PPEF1: variants seen among roughly 807,000 people sequenced by gnomAD.
PPEF1 encodes protein phosphatase with EF-hand domain 1, also known as serine/threonine-protein phosphatase with EF-hands 1.
A neutral mutation model predicts 53.3 loss-of-function variants in PPEF1; 12 were observed. The observed-to-expected ratio is 0.23, with a 90% CI of 0.14 to 0.36. The LOEUF (loss-of-function observed/expected upper bound fraction) is 0.36, where lower values mean the gene tolerates loss of function less well. Ranked by LOEUF, PPEF1 falls within the 10% of genes least tolerant of loss-of-function variation. The pLI is 1.00. For synonymous variants in PPEF1, 165 were observed against 176.7 expected (o/e 0.93, Z 0.52); for missense variants, 334 against 490.4 (o/e 0.68, Z 3.01).
In PPEF1 at chrX:18,700,849, G is replaced by A. The variant is rs941162892; in HGVS notation, c.-123+414G>A. On this transcript the variant is annotated intron_variant, in intron 6 of 21. Coordinates refer to the PPEF1 transcript ENST00000361511. ...CGTCTTGTCGTCTTAGAGGTTTCTAGCTATCTGTAAGAATGGAACCAGAAT... is the reference window on the plus strand; with the variant it reads ...CGTCTTGTCGTCTTAGAGGTTTCTAACTATCTGTAAGAATGGAACCAGAAT... Among the ~76,000 whole-genome samples the A allele has an allele frequency of 4.5e-5, 5 of 112,336 alleles. No individual in the cohort carries two copies. In the Admixed American group the frequency reaches 4.7e-4, roughly 11 times the overall value.
chrX:18,744,559 C>T (rs2045280356), intron 3 of PPEF1, among the ~76,000 whole-genome samples: 2 of 111,533 alleles, frequency 1.8e-5, no homozygotes, highest in Non-Finnish European at 3.8e-5. Context: ...CTGGCGGAAG[C>T]GGGGAGTGGG....
intron 9 of PPEF1, among the ~76,000 whole-genome samples, chrX:18,788,326 A>AAG (rs1354990229): frequency 1.4e-5 from 1 of 69,133 alleles, no homozygotes; most frequent in African/African-American, 5.7e-5. Flanking sequence ...AAAAAAAAAA[A>AAG]AGGAAACTTA....
At chrX:18,800,076 G>T (rs2046518651) in intron 10 of PPEF1, among the ~76,000 whole-genome samples, 1 of 111,253 alleles carries the variant, frequency 9.0e-6, no homozygotes, top group Admixed American at 9.7e-5. Flanking sequence ...AGAAAAATGA[G>T]TGTCAGATAT....
intron 3 of PPEF1, among the ~76,000 whole-genome samples, chrX:18,690,219 T>A (rs1481071156): frequency 9.0e-6 from 1 of 111,263 alleles, no homozygotes; most frequent in Non-Finnish European, 1.9e-5. Context: ...AATATATGAA[T>A]GAAACCAAGC....
intron 4 of PPEF1, among the ~76,000 whole-genome samples, chrX:18,750,542 A>G (rs1005027897): frequency 1.8e-5 from 2 of 111,849 alleles, no homozygotes; most frequent in African/African-American, 6.5e-5. Context: ...TTGTTTATCC[A>G]TTCATCAGTG....
intron 7 of PPEF1, among the ~76,000 whole-genome samples, chrX:18,779,466 G>A (rs2046039910): frequency 9.0e-6 from 1 of 111,514 alleles, no homozygotes; most frequent in Admixed American, 9.6e-5. Context: ...TTGTGTGTTG[G>A]GTAGGTGTGT....
chrX:18,799,221 A>G (rs996760597), intron 10 of PPEF1, among the ~76,000 whole-genome samples: 3 of 103,124 alleles, frequency 2.9e-5, no homozygotes, highest in Non-Finnish European at 5.9e-5. Flanking sequence ...CGACAGAGCA[A>G]GACCCCGTCT....
chrX:18,720,049 A>G (rs2044547196), intron 1 of PPEF1, among the ~76,000 whole-genome samples: 1 of 111,778 alleles, frequency 8.9e-6, no homozygotes, highest in Non-Finnish European at 1.9e-5. Flanking sequence ...TGAGAAAGAC[A>G]TACCACTTAT....
intron 6 of PPEF1, among the ~76,000 whole-genome samples, chrX:18,700,744 C>T (rs929905159): frequency 1.8e-5 from 2 of 111,759 alleles, no homozygotes; most frequent in Admixed American, 1.9e-4. Context: ...TTGAGAAACC[C>T]TTCTAGGTCC....
chrX:18,818,260 G>A (rs1239307426), intron 13 of PPEF1, 115 bp downstream of exon 13: 9 of 398,384 alleles, frequency 2.3e-5, no homozygotes, highest in African/African-American at 1.3e-4. Flanking sequence ...TAAGAAGGAA[G>A]AATAGAGATA....
At chrX:18,688,623 C>T (rs1290338913) in intron 3 of PPEF1, 1 of 112,597 alleles carries the variant, frequency 8.9e-6, no homozygotes, top group Non-Finnish European at 1.9e-5. Context: ...TTCTCTCGTT[C>T]TTTCCAAGTC....
Position 18,821,139 on chromosome X carries a change from C to G in PPEF1, c.1502-2784C>G, listed in dbSNP as rs945533134. ...TCGGGAGGCTGAGGCAGGAGAATGG[C>G]ATGAACCCAGGAGGCGCAGCTTGCA... On this transcript the variant is annotated intron_variant, in intron 13 of 15. Coordinates refer to ENST00000470157, the MANE Select transcript of PPEF1 (RefSeq NM_001377996.1). Among the ~76,000 whole-genome samples, 4 of 104,762 alleles carry G rather than the reference C, an allele frequency of 3.8e-5. No individual in the cohort carries two copies. In the East Asian group the frequency reaches 9.3e-4, roughly 24 times the overall value. The allele number at this position is 104,762 out of a possible 115,157, so 91.0% of individuals were successfully genotyped here. A position where few individuals can be genotyped will look rare whatever the true frequency, so the allele number is the denominator to read the frequency against.
At chrX:18,754,082 C>T (rs1338500471) in intron 4 of PPEF1, among the ~76,000 whole-genome samples, 1 of 109,957 alleles carries the variant, frequency 9.1e-6, no homozygotes, top group Non-Finnish European at 1.9e-5. Context: ...GGGAAAAAAA[C>T]CAACAACAAA....
intron 12 of PPEF1, 117 bp downstream of exon 12, chrX:18,806,662 G>T: frequency 1.3e-6 from 1 of 745,834 alleles, no homozygotes; most frequent in Non-Finnish European, 1.8e-6. Context: ...TTACTCATTA[G>T]TATCAACAAA....
In PPEF1 at chrX:18,785,467, TTC is replaced by T. The variant is rs757567584; in HGVS notation, c.912+1421_912+1422del. ...AAAGTTTTTTACAGCCCTCTCCTGA[TTC>T]TGTGGTGATTTTACATACCACCCTT... is the stretch of plus-strand genomic sequence containing the variant. On this transcript the variant is annotated intron_variant, in intron 9 of 15. Coordinates refer to ENST00000470157, the MANE Select transcript of PPEF1 (RefSeq NM_001377996.1). Among the ~76,000 whole-genome samples, 3 of 111,172 alleles carry T rather than the reference TTC, an allele frequency of 2.7e-5. No homozygotes were observed. In the South Asian group the frequency reaches 1.1e-3, roughly 42 times the overall value.
rs1433173550 is a variant in PPEF1, at chrX:18,818,100, A to C, written c.1456A>C (p.Ser486Arg). 8.3e-7 allele frequency: 1 copy of C among 1,207,562 alleles called. No individual in the cohort carries two copies. The highest frequency in any genetic ancestry group is 3.0e-5 in the East Asian group (1 of 33,700). Reference protein sequence around the residue: ...ILRERVISRKSDLTRAFQLQD... With the variant: ...ILRERVISRKRDLTRAFQLQD... ...AAGAGAGAGAGTGATTTCACGAAAA[A>C]GTGACCTTACTCGTGCTTTCCAACT... The change falls in exon 13 of 16, where the codon AGT (serine) becomes CGT (arginine). Residue 486 changes from serine (S) to arginine (R), a missense_variant. By Grantham distance (110) the Ser-to-Arg change is moderately radical. Transcript: ENST00000470157.
intron 1 of PPEF1, among the ~76,000 whole-genome samples, chrX:18,722,907 G>A (rs73458655): frequency 0.024 from 2,636 of 111,802 alleles, 83 homozygotes; most frequent in African/African-American, 0.081. Context: ...CTAACTGCAT[G>A]CACCTCAGTT....
At chrX:18,787,648 G>A (rs1681723207) in intron 9 of PPEF1, among the ~76,000 whole-genome samples, 1 of 109,273 alleles carries the variant, frequency 9.2e-6, no homozygotes, top group South Asian at 4.0e-4. Context: ...AGCTGGGCAC[G>A]GTGGCTCATG....
intron 3 of PPEF1, among the ~76,000 whole-genome samples, chrX:18,738,580 T>C (rs1358631554): frequency 1.8e-5 from 2 of 111,784 alleles, no homozygotes; most frequent in African/African-American, 3.3e-5. Flanking sequence ...TTTCCAACTT[T>C]GGTGAATCTG....
Sources: gnomAD v4.1 joint callset for allele counts (sites outside exome capture counted in the v4.1 genomes callset) on GRCh38, gnomAD v4.1.1 for gene constraint, MANE v1.5 for transcripts, NCBI Gene and HGNC (gene_info 2026-07-23, HGNC 2026-07-21) for gene names.